The following SORCS2 variants were observed in gnomAD, a reference collection of about 807,000 sequenced individuals.
The protein encoded by SORCS2 is VPS10 domain-containing receptor SorCS2.
A neutral mutation model predicts 141.6 loss-of-function variants in SORCS2; 100 were observed. The ratio of observed to expected loss-of-function variants is 0.71; its 90% CI spans 0.60 to 0.83. The LOEUF (loss-of-function observed/expected upper bound fraction) is 0.83. Among genes scored for constraint, SORCS2 ranks in the 40% least tolerant of loss-of-function variants. The pLI is 0.00. For missense variants in SORCS2, 1,646 were observed against 1,560.2 expected, an observed-to-expected ratio of 1.05 and a Z score of -0.93; for synonymous variants, 789 against 676.9, an observed-to-expected ratio of 1.17 and a Z score of -2.57.
chr4:7,726,846 GT>G lies in SORCS2; in HGVS notation c.2813del (p.Val938GlyfsTer67). ...FSDTGDVRVT[V>X]QAACGNSVLQ... ...GGACACGGGCGACGTGCGTGTGACG[GT>G]GCAGGCCGCCTGTGGGAACTCGGTG... On this transcript the variant is annotated frameshift_variant, in exon 21 of 27. Transcript: ENST00000507866. LOFTEE classifies it high-confidence loss of function. 2 of 1,613,896 alleles carry G rather than the reference GT, an allele frequency of 1.2e-6. No homozygotes were observed. The highest frequency in any genetic ancestry group is 1.7e-6 in the Non-Finnish European group (2 of 1,179,846).
intron 3 of SORCS2, among the ~76,000 whole-genome samples, chr4:7,580,870 C>T (rs189273722): frequency 2.0e-4 from 31 of 152,144 alleles, no homozygotes; most frequent in Admixed American, 4.6e-4. Flanking sequence ...AAAAGTCTGA[C>T]GAAAGTTTAC....
intron 3 of SORCS2, among the ~76,000 whole-genome samples, chr4:7,628,493 T>A (rs1334252665): frequency 7.0e-6 from 1 of 142,496 alleles, no homozygotes; most frequent in Admixed American, 7.5e-5. Flanking sequence ...CACTCCAGCC[T>A]GGGCAAAAGA....
intron 1 of SORCS2, among the ~76,000 whole-genome samples, chr4:7,328,018 C>CTTTTTTTTTT (rs60976971): frequency 1.1e-5 from 1 of 88,698 alleles, no homozygotes; most frequent in Non-Finnish European, 2.2e-5. Flanking sequence ...TCGTGCTAGG[C>CTTTTTTTTTT]TTTTTTTTTT....
At chr4:7,265,584 A>C (rs1714671444) in intron 1 of SORCS2, among the ~76,000 whole-genome samples, 1 of 152,096 alleles carries the variant, frequency 6.6e-6, no homozygotes, top group Admixed American at 6.5e-5. Flanking sequence ...ATGGCTCCAG[A>C]TGTTCCCAGG....
At chr4:7,282,852 A>G (rs1467869340) in intron 1 of SORCS2, among the ~76,000 whole-genome samples, 1 of 152,186 alleles carries the variant, frequency 6.6e-6, no homozygotes, top group African/African-American at 2.4e-5. Context: ...AACGCCACCC[A>G]CTAAGATGCT....
At chr4:7,618,405 G>A (rs111822338) in intron 3 of SORCS2, among the ~76,000 whole-genome samples, 89 of 152,176 alleles carry the variant, frequency 5.8e-4, no homozygotes, top group African/African-American at 2.0e-3. Context: ...CTCTGCACCC[G>A]GAGGGGCATT....
intron 1 of SORCS2, among the ~76,000 whole-genome samples, chr4:7,232,377 C>A (rs981305379): frequency 4.6e-5 from 7 of 152,202 alleles, no homozygotes; most frequent in Non-Finnish European, 1.0e-4. Context: ...TGCTGCCAGA[C>A]TCCTAGGACC....
chr4:7,678,270 A>C (rs1723294434), intron 9 of SORCS2, among the ~76,000 whole-genome samples: 1 of 150,068 alleles, frequency 6.7e-6, no homozygotes, highest in Non-Finnish European at 1.5e-5. Context: ...AGCCACACAC[A>C]CAGGCATCAA....
intron 3 of SORCS2, among the ~76,000 whole-genome samples, chr4:7,603,950 AACTT>A (rs1717896810): frequency 6.6e-6 from 1 of 152,212 alleles, no homozygotes; most frequent in African/African-American, 2.4e-5. Flanking sequence ...AATAAATAAA[AACTT>A]ACTAAGTTTT....
chr4:7,499,419 T>G (rs1401788272), intron 2 of SORCS2, among the ~76,000 whole-genome samples: 1 of 152,098 alleles, frequency 6.6e-6, no homozygotes, highest in African/African-American at 2.4e-5. Flanking sequence ...GGGAGTTGCA[T>G]GCAGGAGAGG....
Position 7,531,465 on chromosome 4 carries a change from G to A in SORCS2, c.549-65G>A, listed in dbSNP as rs570628945. Reference sequence around the variant, plus strand: ...GGGCACAGGGCAGGGGCTGGACACCGTGTGGGCTGACGAAGGCCACACTTG... The same window carrying A: ...GGGCACAGGGCAGGGGCTGGACACCATGTGGGCTGACGAAGGCCACACTTG... On this transcript the variant is annotated intron_variant, in intron 2 of 26. Coordinates refer to ENST00000507866, the MANE Select transcript of SORCS2 (RefSeq NM_020777.3). 1.6e-4 allele frequency: 241 copies of A among 1,488,566 alleles called. 1 individual carries two copies. Among genetic ancestry groups the A allele is most frequent in the South Asian group, 1.2e-3 (105 of 85,132 alleles). The allele number at this position is 1,488,566 out of a possible 1,614,324, so 92.2% of individuals were successfully genotyped here. A position where few individuals can be genotyped will look rare whatever the true frequency, so the allele number is the denominator to read the frequency against.
At chr4:7,606,323 A>G (rs1422685192) in intron 3 of SORCS2, among the ~76,000 whole-genome samples, 1 of 152,044 alleles carries the variant, frequency 6.6e-6, no homozygotes, top group Non-Finnish European at 1.5e-5. Context: ...ACTCAAACCC[A>G]TTTGACTGTG....
chr4:7,561,347 C>A (rs1714535193), intron 3 of SORCS2, among the ~76,000 whole-genome samples: 1 of 150,030 alleles, frequency 6.7e-6, no homozygotes, highest in Non-Finnish European at 1.5e-5. Context: ...GGCTGGAAGT[C>A]CAGACTAGCC....
At chr4:7,520,963 A>G (rs1352939376) in intron 2 of SORCS2, among the ~76,000 whole-genome samples, 1 of 152,264 alleles carries the variant, frequency 6.6e-6, no homozygotes, top group African/African-American at 2.4e-5. Context: ...ATCAGGGGAC[A>G]GCCTGGGAAG....
intron 3 of SORCS2, among the ~76,000 whole-genome samples, chr4:7,578,191 C>G (rs181186078): frequency 1.3e-5 from 2 of 152,172 alleles, no homozygotes; most frequent in Non-Finnish European, 2.9e-5. Context: ...GGTCTCTTTG[C>G]GAACGATCAT....
chr4:7,356,908 C>T (rs1198609974), intron 1 of SORCS2, among the ~76,000 whole-genome samples: 3 of 152,244 alleles, frequency 2.0e-5, no homozygotes, highest in East Asian at 1.9e-4. Context: ...GGCGACCAGC[C>T]AGCCACTTGC....
At chr4:7,514,351 A>G (rs1274934236) in intron 2 of SORCS2, among the ~76,000 whole-genome samples, 2 of 152,168 alleles carry the variant, frequency 1.3e-5, no homozygotes, top group Non-Finnish European at 2.9e-5. Context: ...CAGGGCGGGA[A>G]GAGGCTGCTG....
At chr4:7,714,185 T>G in intron 15 of SORCS2, 55 bp from the exon 16 acceptor site, 1 of 1,573,062 alleles carries the variant, frequency 6.4e-7, no homozygotes, top group Non-Finnish European at 8.6e-7. Flanking sequence ...CACAAGGCCT[T>G]GTAGAGCAGT....
intron 24 of SORCS2, 118 bp downstream of exon 24, chr4:7,733,539 C>T (rs951642509): frequency 2.4e-6 from 2 of 826,668 alleles, no homozygotes; most frequent in Non-Finnish European, 3.7e-6. Context: ...GGTGGGTGTT[C>T]GCCTCTGATG....
Sources: gnomAD v4.1 joint callset for allele counts (sites outside exome capture counted in the v4.1 genomes callset) on GRCh38, gnomAD v4.1.1 for gene constraint, MANE v1.5 for transcripts, NCBI Gene and HGNC (gene_info 2026-07-23, HGNC 2026-07-21) for gene names.